The following VKORC1L1 variants were observed in gnomAD, a reference collection of about 807,000 sequenced individuals.
VKORC1L1 encodes the protein vitamin K epoxide reductase complex subunit 1-like protein 1.
Under a neutral mutation model 18.9 loss-of-function variants are expected in VKORC1L1, and 2 were observed. That is an observed-to-expected ratio of 0.11 (90% confidence interval 0.04 to 0.33). The LOEUF (loss-of-function observed/expected upper bound fraction) is 0.33. VKORC1L1 is among the 10% of genes least tolerant of loss of function. The pLI is 1.00. For synonymous variants in VKORC1L1, 96 were observed against 100.0 expected (o/e 0.96, Z 0.24); for missense variants, 123 against 224.1 (o/e 0.55, Z 2.88).
intron 1 of VKORC1L1, among the ~76,000 whole-genome samples, chr7:65,943,024 A>G (rs1790062224): frequency 6.6e-6 from 1 of 152,248 alleles, no homozygotes; most frequent in South Asian, 2.1e-4. Context: ...AGTACAAATT[A>G]TGGTATAATT....
intron 1 of VKORC1L1, 60 bp from the exon 2 acceptor site, chr7:65,948,611 A>T: frequency 1.7e-6 from 1 of 604,500 alleles, no homozygotes; most frequent in Non-Finnish European, 2.7e-6. Flanking sequence ...TCAAATAATG[A>T]TACATTTTTT....
At chr7:65,892,370 G>A (rs1362830937) in intron 1 of VKORC1L1, among the ~76,000 whole-genome samples, 1 of 152,150 alleles carries the variant, frequency 6.6e-6, no homozygotes, top group Non-Finnish European at 1.5e-5. Flanking sequence ...TCCACATAGT[G>A]ATTGTACTAA....
chr7:65,917,016 A>G (rs923989576), intron 1 of VKORC1L1, among the ~76,000 whole-genome samples: 7 of 152,024 alleles, frequency 4.6e-5, no homozygotes, highest in Non-Finnish European at 7.4e-5. Flanking sequence ...CTTCTACACC[A>G]GGAGTTTTAG....
At chr7:65,952,778 C>CTTTTTTTTTTTTTTTTTTT (rs11395208) in intron 2 of VKORC1L1, among the ~76,000 whole-genome samples, 1 of 86,612 alleles carries the variant, frequency 1.2e-5, no homozygotes, top group Non-Finnish European at 2.0e-5. Flanking sequence ...TTTTTTTTTC[C>CTTTTTTTTTTTTTTTTTTT]TTTTTTTTTT....
chr7:65,927,347 T>C (rs1316619742), intron 1 of VKORC1L1, among the ~76,000 whole-genome samples: 1 of 152,116 alleles, frequency 6.6e-6, no homozygotes, highest in Non-Finnish European at 1.5e-5. Flanking sequence ...GTGACAAGTG[T>C]ACTAAAATCC....
At chr7:65,932,144 C>T (rs1263741460) in intron 1 of VKORC1L1, among the ~76,000 whole-genome samples, 1 of 152,082 alleles carries the variant, frequency 6.6e-6, no homozygotes, top group East Asian at 1.9e-4. Flanking sequence ...GTTGCCCAGG[C>T]TGGAGTGCAG....
chr7:65,908,769 A>C (rs545355362), intron 1 of VKORC1L1, among the ~76,000 whole-genome samples: 2 of 150,206 alleles, frequency 1.3e-5, no homozygotes, highest in South Asian at 4.3e-4. Context: ...CCTCAGAAGC[A>C]GAGGTTGCAG....
rs867267261 is a variant in VKORC1L1 at position 65,873,158 on chromosome 7, T to A, written c.-214T>A. 3 of 486,728 alleles carry A rather than the reference T, an allele frequency of 6.2e-6. No individual in the cohort carries two copies. Among genetic ancestry groups the A allele is most frequent in the Non-Finnish European group, 8.0e-6 (3 of 375,218 alleles). The allele number at this position is 486,728 out of a possible 1,614,324, so 30.2% of individuals were successfully genotyped here. On this transcript the variant is annotated 5_prime_UTR_variant, in exon 1 of 3. Coordinates refer to ENST00000360768, the MANE Select transcript of VKORC1L1 (RefSeq NM_173517.6). Reference sequence around the variant, plus strand: ...GCCCGCGCGCGCCTTCCCCGCCCCGTCCGCCTCACTCCTTTTGGGGCGGTT... The same window carrying A: ...GCCCGCGCGCGCCTTCCCCGCCCCGACCGCCTCACTCCTTTTGGGGCGGTT...
chr7:65,942,102 G>T (rs1436231193), intron 1 of VKORC1L1, among the ~76,000 whole-genome samples: 1 of 152,150 alleles, frequency 6.6e-6, no homozygotes, highest in East Asian at 1.9e-4. Context: ...GAGGTTATGG[G>T]ACAGGAATGG....
chr7:65,957,481 C>G lies in VKORC1L1; in HGVS notation c.*3181C>G, dbSNP rs1201760769. On this transcript the variant is annotated 3_prime_UTR_variant, in exon 3 of 3. Coordinates refer to ENST00000360768, the MANE Select transcript of VKORC1L1 (RefSeq NM_173517.6). ...GGCCAACAGAGCGAGACTGTCCCCC[C>G]CCCAAAAAAAAAAGAGAGAGACTGC... is the stretch of plus-strand genomic sequence containing the variant. 1 of 145,016 alleles carries G rather than the reference C, an allele frequency of 6.9e-6. No individual in the cohort carries two copies. The highest frequency in any genetic ancestry group is 1.5e-5 in the Non-Finnish European group (1 of 66,550). 9.0% of individuals were successfully genotyped at this position (145,016 alleles called of 1,614,324 possible).
intron 1 of VKORC1L1, among the ~76,000 whole-genome samples, chr7:65,875,828 A>G (rs1183894545): frequency 1.3e-5 from 2 of 152,220 alleles, no homozygotes; most frequent in South Asian, 2.1e-4. Context: ...TTAGGAAAAG[A>G]AAGTTTGAGC....
chr7:65,905,217 C>T lies in VKORC1L1; in HGVS notation c.194+31652C>T, dbSNP rs1789386691. On this transcript the variant is annotated intron_variant, in intron 1 of 2. Transcript: ENST00000360768. ...AATATTTGAAAACAGCTTTTAATGTCTGTATAGTATTCCACTGAGTGCCAC... is the reference window on the plus strand; with the variant it reads ...AATATTTGAAAACAGCTTTTAATGTTTGTATAGTATTCCACTGAGTGCCAC... Among the ~76,000 whole-genome samples the T allele has an allele frequency of 1.3e-5, 2 of 152,116 alleles. 1 individual carries two copies. The highest frequency in any genetic ancestry group is 4.1e-4 in the South Asian group (2 of 4,826).
intron 1 of VKORC1L1, among the ~76,000 whole-genome samples, chr7:65,883,136 CTTTTTTTTTTTTTT>C: frequency 9.1e-6 from 1 of 109,588 alleles, no homozygotes; most frequent in East Asian, 2.4e-4. Flanking sequence ...TACATTTGAG[CTTTTTTTTTTTTTT>C]TTTTTTTTGG....
intron 1 of VKORC1L1, among the ~76,000 whole-genome samples, chr7:65,901,319 A>G (rs1384972127): frequency 3.3e-5 from 5 of 152,242 alleles, no homozygotes; most frequent in Admixed American, 6.5e-5. Flanking sequence ...TTATGAGCCA[A>G]TGCACTCCAG....
chr7:65,883,472 A>T (rs1252520630), intron 1 of VKORC1L1, among the ~76,000 whole-genome samples: 1 of 150,432 alleles, frequency 6.6e-6, no homozygotes, highest in Non-Finnish European at 1.5e-5. Flanking sequence ...TTTAAAATAC[A>T]TTGATAGAAT....
At chr7:65,872,982 C>T (rs1279037291), upstream of VKORC1L1, among the ~76,000 whole-genome samples, 1 of 129,738 alleles carries the variant, frequency 7.7e-6, no homozygotes, top group Non-Finnish European at 1.8e-5. Context: ...CCACCCCTGC[C>T]CCGCCCATCC....
At chr7:65,951,228 C>T (rs761059702) in intron 2 of VKORC1L1, among the ~76,000 whole-genome samples, 1 of 152,166 alleles carries the variant, frequency 6.6e-6, no homozygotes, top group African/African-American at 2.4e-5. Flanking sequence ...CTGTTTGAGA[C>T]ACAGCATTTT....
intron 1 of VKORC1L1, among the ~76,000 whole-genome samples, chr7:65,930,005 A>G (rs1488689150): frequency 6.6e-6 from 1 of 152,148 alleles, no homozygotes; most frequent in Non-Finnish European, 1.5e-5. Context: ...GTATTTTGTT[A>G]GATATGTGCC....
At position 65,958,811 on chromosome 7, in the gene VKORC1L1, C is replaced by T. The variant is rs1265057146; in HGVS notation, c.*4511C>T. Reference sequence around the variant, plus strand: ...ATTAATGACAAAAATGTGTCACTGCCTACAGTTCTGTGAACACTCAGAATG... The same window carrying T: ...ATTAATGACAAAAATGTGTCACTGCTTACAGTTCTGTGAACACTCAGAATG... On this transcript the variant is annotated 3_prime_UTR_variant, in exon 3 of 3. Transcript: ENST00000360768. 1 of 152,216 alleles carries T rather than the reference C, an allele frequency of 6.6e-6. No individual in the cohort carries two copies. Among genetic ancestry groups the T allele is most frequent in the Non-Finnish European group, 1.5e-5 (1 of 68,052 alleles). The allele number at this position is 152,216 out of a possible 1,614,324, so 9.4% of individuals were successfully genotyped here. A position where few individuals can be genotyped will look rare whatever the true frequency, so the allele number is the denominator to read the frequency against.
Sources: allele counts gnomAD v4.1 joint callset (sites outside exome capture counted in the v4.1 genomes callset), GRCh38; gene constraint gnomAD v4.1.1; transcripts MANE v1.5; gene names NCBI Gene and HGNC (gene_info 2026-07-23, HGNC 2026-07-21).